Variants in WDR19 observed in about 807,000 individuals in gnomAD.
WDR19 encodes the protein WD repeat-containing protein 19.
In WDR19, 121 loss-of-function variants were observed where a neutral mutation model predicts 180.0. The ratio of observed to expected loss-of-function variants is 0.67; its 90% confidence interval spans 0.58 to 0.78. The LOEUF (loss-of-function observed/expected upper bound fraction) is 0.78. WDR19 is among the 30% of genes least tolerant of loss of function. The pLI, the probability that WDR19 is intolerant of heterozygous loss-of-function variation, is 0.00. For missense variants in WDR19, 1,450 were observed against 1,640.7 expected, an observed-to-expected ratio of 0.88 and a Z score of 2.01; for synonymous variants, 497 against 540.7, an observed-to-expected ratio of 0.92 and a Z score of 1.12.
intron 1 of WDR19, 47 bp downstream of exon 1, chr4:39,182,610 C>T (rs377360991): frequency 6.2e-7 from 1 of 1,613,104 alleles, no homozygotes; most frequent in Non-Finnish European, 8.5e-7. Context: ...AACGCGACTA[C>T]TGGCCCTTGG....
chr4:39,222,198 T>A (rs924952358), intron 14 of WDR19, among the ~76,000 whole-genome samples: 4 of 152,216 alleles, frequency 2.6e-5, no homozygotes, highest in Non-Finnish European at 4.4e-5. Context: ...AGCATATGTT[T>A]ATTTGCTTTC....
intron 24 of WDR19, among the ~76,000 whole-genome samples, chr4:39,251,894 C>T (rs1043176041): frequency 2.7e-4 from 41 of 152,166 alleles, no homozygotes; most frequent in Middle Eastern, 3.4e-3. Context: ...ATAGGAACAC[C>T]TTTACACTGT....
chr4:39,276,072 T>C (rs1044703849), intron 33 of WDR19, among the ~76,000 whole-genome samples: 4 of 152,194 alleles, frequency 2.6e-5, no homozygotes, highest in Admixed American at 2.6e-4. Flanking sequence ...TGATGACATG[T>C]GGGGTTCCTG....
Position 39,277,145 on chromosome 4 carries a change from T to C in WDR19, c.3840+2T>C. On this transcript the variant is annotated splice_donor_variant, in intron 34 of 36. Coordinates refer to ENST00000399820, the MANE Select transcript of WDR19 (RefSeq NM_025132.4). LOFTEE classifies it high-confidence loss of function. ...AGTATCCCATATTGCATTGCAACAG[T>C]GAGTTCCTTTATAGTAATTTCCCTT... 1.9e-6 allele frequency: 3 copies of C among 1,602,020 alleles called. No homozygotes were observed. The highest frequency in any genetic ancestry group is 2.6e-6 in the Non-Finnish European group (3 of 1,174,964).
chr4:39,269,923 T>C, intron 30 of WDR19, 53 bp from the exon 31 acceptor site: 3 of 1,592,090 alleles, frequency 1.9e-6, no homozygotes, highest in Non-Finnish European at 2.6e-6. Context: ...GTCCATAGAA[T>C]GTCCTCAGAT....
chr4:39,194,201 C>T (rs2109263526), intron 4 of WDR19, among the ~76,000 whole-genome samples: 1 of 152,114 alleles, frequency 6.6e-6, no homozygotes, highest in East Asian at 1.9e-4. Context: ...TGAGGTTTCA[C>T]CATCCATTAA....
intron 9 of WDR19, among the ~76,000 whole-genome samples, chr4:39,208,596 C>A (rs1488142705): frequency 6.6e-6 from 1 of 152,048 alleles, no homozygotes; most frequent in Non-Finnish European, 1.5e-5. Context: ...AGCCACCACG[C>A]CCAGCCTAGA....
chr4:39,223,704 C>G (rs961900049), intron 14 of WDR19, among the ~76,000 whole-genome samples: 2 of 152,162 alleles, frequency 1.3e-5, no homozygotes, highest in African/African-American at 4.8e-5. Flanking sequence ...CTATTTCAGG[C>G]TTCCATTGAT....
In WDR19 at chr4:39,259,384, G is replaced by A. The variant is rs115979292; in HGVS notation, c.3183+1830G>A. On this transcript the variant is annotated intron_variant, in intron 28 of 36. Transcript: ENST00000399820. ...TCTAGTCTTTTCCATTGCTTTAGTC[G>A]TCTGTCCTTGTACCAATACGCCATT... Among the ~76,000 whole-genome samples, 722 of 152,234 alleles carry A rather than the reference G, an allele frequency of 4.7e-3. 3 individuals are homozygous for A. The highest frequency in any genetic ancestry group is 7.9e-3 in the Non-Finnish European group (536 of 68,022).
At chr4:39,262,179 C>T (rs1734356813) in intron 28 of WDR19, among the ~76,000 whole-genome samples, 1 of 152,142 alleles carries the variant, frequency 6.6e-6, no homozygotes, top group Non-Finnish European at 1.5e-5. Context: ...GGGACTAAAA[C>T]CAAAGCTTCC....
intron 15 of WDR19, among the ~76,000 whole-genome samples, chr4:39,225,973 A>G (rs1231679607): frequency 6.6e-6 from 1 of 152,134 alleles, no homozygotes; most frequent in African/African-American, 2.4e-5. Flanking sequence ...TCCTCTCCCA[A>G]TTGCAAAGCA....
At chr4:39,259,147 AGTTT>A (rs1185291369) in intron 28 of WDR19, among the ~76,000 whole-genome samples, 3 of 152,208 alleles carry the variant, frequency 2.0e-5, no homozygotes, top group Non-Finnish European at 4.4e-5. Context: ...TTCTTCTAGT[AGTTT>A]GTTCTATCTG....
At chr4:39,257,618 T>C (rs1283010045) in intron 28 of WDR19, 64 bp downstream of exon 28, 2 of 1,463,172 alleles carry the variant, frequency 1.4e-6, no homozygotes, top group African/African-American at 2.8e-5. Context: ...TTGAAAAAAA[T>C]TTTAAATATA....
At chr4:39,242,377 C>T (rs927277012) in intron 21 of WDR19, among the ~76,000 whole-genome samples, 1 of 152,128 alleles carries the variant, frequency 6.6e-6, no homozygotes, top group Non-Finnish European at 1.5e-5. Flanking sequence ...CCGCCTTAGC[C>T]TCCCTAAGCA....
intron 1 of WDR19, among the ~76,000 whole-genome samples, chr4:39,184,159 C>T (rs1225574777): frequency 1.3e-5 from 2 of 152,170 alleles, no homozygotes; most frequent in Non-Finnish European, 2.9e-5. Flanking sequence ...GTAATCCCAG[C>T]ACTTTGGGAC....
At chr4:39,193,149 T>A (rs1182649387) in intron 4 of WDR19, among the ~76,000 whole-genome samples, 1 of 151,636 alleles carries the variant, frequency 6.6e-6, no homozygotes, top group African/African-American at 2.4e-5. Context: ...TTGCTAAATT[T>A]AATTTTTTTT....
At chr4:39,214,002 G>A (rs1728799941) in intron 9 of WDR19, among the ~76,000 whole-genome samples, 1 of 152,150 alleles carries the variant, frequency 6.6e-6, no homozygotes, top group South Asian at 2.1e-4. Flanking sequence ...AAGGAGGTTA[G>A]GAGGAAAGAA....
intron 20 of WDR19, 43 bp from the exon 21 acceptor site, chr4:39,240,234 T>C: frequency 1.3e-6 from 1 of 771,880 alleles, no homozygotes; most frequent in Non-Finnish European, 1.8e-6. Context: ...AATTCTAAAA[T>C]ATATATTAAA....
At chr4:39,197,318 TG>T (rs1183818212) in intron 5 of WDR19, among the ~76,000 whole-genome samples, 1 of 150,524 alleles carries the variant, frequency 6.6e-6, no homozygotes, top group African/African-American at 2.5e-5. Context: ...CCCAGCTACT[TG>T]GGAGGCTGAG....
Sources: gnomAD v4.1 joint callset for allele counts (sites outside exome capture counted in the v4.1 genomes callset) on GRCh38, gnomAD v4.1.1 for gene constraint, MANE v1.5 for transcripts, NCBI Gene and HGNC (gene_info 2026-07-23, HGNC 2026-07-21) for gene names.